The following C12orf56 variants were observed in gnomAD, a reference collection of about 807,000 sequenced individuals.
C12orf56 encodes uncharacterized protein C12orf56.
C12orf56 carries 71 observed loss-of-function variants against 69.9 expected under a neutral mutation model. The observed-to-expected ratio is 1.02, with a 90% CI of 0.84 to 1.24. The LOEUF (loss-of-function observed/expected upper bound fraction) is 1.24, where lower values mean the gene tolerates loss of function less well. Ranked by LOEUF, C12orf56 falls within the 50% of genes most tolerant of loss-of-function variation. C12orf56 has a pLI of 0.00. For missense variants in C12orf56, 732 were observed against 738.5 expected, an observed-to-expected ratio of 0.99 and a Z score of 0.10; for synonymous variants, 276 against 274.1, an observed-to-expected ratio of 1.01 and a Z score of -0.07.
Position 64,267,091 on chromosome 12 carries a change from T to C in C12orf56, c.*92A>G. 1 of 926,918 alleles carries C rather than the reference T, an allele frequency of 1.1e-6. No individual in the cohort carries two copies. Among genetic ancestry groups the C allele is most frequent in the South Asian group, 1.8e-5 (1 of 56,508 alleles). The allele number at this position is 926,918 out of a possible 1,614,324, so 57.4% of individuals were successfully genotyped here. A position where few individuals can be genotyped will look rare whatever the true frequency, so the allele number is the denominator to read the frequency against. ...TATAGGACTCAGAGATAGCCAGATA[T>C]TAAACAAATAAAAAAATGTTTCTCG... On this transcript the variant is annotated 3_prime_UTR_variant, in exon 13 of 13. Coordinates refer to ENST00000543942, the MANE Select transcript of C12orf56 (RefSeq NM_001170633.2).
intron 1 of C12orf56, among the ~76,000 whole-genome samples, chr12:64,358,482 A>AATAATAATAATAATAATAATCATCATC (rs11275269): frequency 4.8e-5 from 6 of 125,940 alleles, no homozygotes; most frequent in African/African-American, 1.5e-4. Context: ...TAATAATAAT[A>AATAATAATAATAATAATAATCATCATC]ATCATCATCA....
chr12:64,370,646 A>G (rs1232083562), intron 1 of C12orf56, among the ~76,000 whole-genome samples: 1 of 151,958 alleles, frequency 6.6e-6, no homozygotes, highest in Non-Finnish European at 1.5e-5. Context: ...CTGTGTCTCA[A>G]AAAAAAAGAA....
chr12:64,347,591 T>C (rs1259695177), intron 2 of C12orf56, among the ~76,000 whole-genome samples: 1 of 152,174 alleles, frequency 6.6e-6, no homozygotes, highest in African/African-American at 2.4e-5. Context: ...TTCCCTGTTT[T>C]CTAGAGACAG....
chr12:64,307,652 A>G (rs957170936), intron 5 of C12orf56, among the ~76,000 whole-genome samples: 8 of 151,876 alleles, frequency 5.3e-5, no homozygotes, highest in African/African-American at 1.9e-4. Flanking sequence ...TACAGGCGTG[A>G]GCCACCTCGC....
intron 3 of C12orf56, among the ~76,000 whole-genome samples, chr12:64,329,618 T>C (rs1269631921): frequency 2.7e-5 from 4 of 149,790 alleles, no homozygotes; most frequent in Admixed American, 2.7e-4. Context: ...GCTGGTGCGC[T>C]GCACCCACTA....
chr12:64,285,805 TAAATAA>T (rs886933722), intron 7 of C12orf56, 143 bp downstream of exon 7: 13 of 423,768 alleles, frequency 3.1e-5, no homozygotes, highest in Middle Eastern at 6.5e-4. Flanking sequence ...AATAAATAAA[TAAATAA>T]AAATAAAAAT....
At chr12:64,311,770 C>T (rs1487777104) in intron 5 of C12orf56, among the ~76,000 whole-genome samples, 1 of 152,158 alleles carries the variant, frequency 6.6e-6, no homozygotes, top group Non-Finnish European at 1.5e-5. Flanking sequence ...AGACTTTCAC[C>T]TAAGGGCAAT....
At chr12:64,351,181 T>C (rs2039217450) in intron 2 of C12orf56, among the ~76,000 whole-genome samples, 1 of 152,174 alleles carries the variant, frequency 6.6e-6, no homozygotes, top group African/African-American at 2.4e-5. Context: ...CCAAGCCCCA[T>C]GCACCCAAAT....
chr12:64,281,571 C>CA lies in C12orf56; in HGVS notation c.1310+3092dup, dbSNP rs930404641. Among the ~76,000 whole-genome samples, 71 of 150,484 alleles carry CA rather than the reference C, an allele frequency of 4.7e-4. 1 individual carries two copies. Among genetic ancestry groups the CA allele is most frequent in the Non-Finnish European group, 2.2e-4 (15 of 67,678 alleles). On this transcript the variant is annotated intron_variant, in intron 8 of 12. Transcript: ENST00000543942. ...TGGGTGACAGAGTGAGACTCCATCT[C>CA]AAAAAAAATAAAAGAAAAAAGAAAA...
In C12orf56 at chr12:64,312,746, T is replaced by C; in HGVS notation, c.901A>G (p.Thr301Ala). The C allele has an allele frequency of 6.5e-7, 1 of 1,534,512 alleles. No individual in the cohort carries two copies. ...SSWNNYIIKA[T>A]LLQDPFYASE... ...GCATAGAAGGGATCTTGTAAAAGAG[T>C]AGCTTTCTGAAAAAGGAAAAAGTAG... The change falls in exon 5 of 13, where the codon ACT becomes GCT. Residue 301 changes from threonine (T) to alanine (A), a missense_variant. By Grantham distance (58) the Thr-to-Ala change is moderately conservative (BLOSUM62 0). Transcript: ENST00000543942.
At chr12:64,337,962 C>T (rs2136878551) in intron 2 of C12orf56, among the ~76,000 whole-genome samples, 1 of 151,474 alleles carries the variant, frequency 6.6e-6, no homozygotes, top group Middle Eastern at 3.4e-3. Context: ...TTTAGATGAA[C>T]TGGAGGTGAG....
At chr12:64,379,062 A>C (rs1379001001) in intron 1 of C12orf56, among the ~76,000 whole-genome samples, 1 of 151,904 alleles carries the variant, frequency 6.6e-6, no homozygotes, top group Non-Finnish European at 1.5e-5. Context: ...AAAAAAAAAA[A>C]AAAAAGTGAA....
At chr12:64,314,249 C>T (rs748772166) in intron 4 of C12orf56, among the ~76,000 whole-genome samples, 1 of 151,876 alleles carries the variant, frequency 6.6e-6, no homozygotes, top group African/African-American at 2.4e-5. Flanking sequence ...CCTTGCCAGG[C>T]CAATTTTTTA....
At chr12:64,367,066 A>C (rs1215605257) in intron 1 of C12orf56, among the ~76,000 whole-genome samples, 1 of 8,528 alleles carries the variant, frequency 1.2e-4, no homozygotes, top group Admixed American at 3.6e-3. Context: ...TATATATAAC[A>C]TACACTTTAT....
At chr12:64,284,922 C>G (rs981812919) in intron 7 of C12orf56, among the ~76,000 whole-genome samples, 169 bp from the exon 8 acceptor site, 1 of 152,224 alleles carries the variant, frequency 6.6e-6, no homozygotes, top group African/African-American at 2.4e-5. Flanking sequence ...AGTGCCTACT[C>G]TGACTGCTAC....
chr12:64,315,430 T>C (rs1331437032), intron 4 of C12orf56, among the ~76,000 whole-genome samples: 2 of 152,000 alleles, frequency 1.3e-5, no homozygotes, highest in East Asian at 1.9e-4. Flanking sequence ...TCACAATGTA[T>C]ACAAGGCAAG....
chr12:64,334,840 T>C (rs921160060), intron 2 of C12orf56, among the ~76,000 whole-genome samples: 6 of 152,164 alleles, frequency 3.9e-5, no homozygotes, highest in Admixed American at 1.3e-4. Context: ...TTTCAAAATA[T>C]ACCACTAAAG....
chr12:64,303,228 C>T (rs1188170795), intron 6 of C12orf56, among the ~76,000 whole-genome samples: 6 of 151,512 alleles, frequency 4.0e-5, no homozygotes, highest in Non-Finnish European at 7.4e-5. Flanking sequence ...GAGCTGAGAT[C>T]GTGCCATTGC....
At chr12:64,310,896 G>A (rs112389717) in intron 5 of C12orf56, among the ~76,000 whole-genome samples, 1 of 150,440 alleles carries the variant, frequency 6.6e-6, no homozygotes, top group African/African-American at 2.5e-5. Context: ...AGGCCCTGGT[G>A]TATGATGTCC....
Sources: allele counts gnomAD v4.1 joint callset (sites outside exome capture counted in the v4.1 genomes callset), GRCh38; gene constraint gnomAD v4.1.1; transcripts MANE v1.5; gene names NCBI Gene and HGNC (gene_info 2026-07-23, HGNC 2026-07-21).